The following SCD5 variants were observed in gnomAD, a reference collection of about 807,000 sequenced individuals.
The protein encoded by SCD5 is stearoyl-CoA desaturase 5, also known as acyl-CoA-desaturase 4.
A neutral mutation model predicts 30.4 loss-of-function variants in SCD5; 20 were observed. The ratio of observed to expected loss-of-function variants is 0.66; its 90% CI spans 0.46 to 0.96. The LOEUF is 0.96. SCD5 is among the 40% of genes least tolerant of loss of function. SCD5 has a pLI of 0.00. For missense variants in SCD5, 381 were observed against 443.3 expected, an observed-to-expected ratio of 0.86 and a Z score of 1.26; for synonymous variants, 173 against 176.4, an observed-to-expected ratio of 0.98 and a Z score of 0.16.
At chr4:82,726,981 G>C (rs1720513295) in intron 1 of SCD5, among the ~76,000 whole-genome samples, 2 of 152,194 alleles carry the variant, frequency 1.3e-5, no homozygotes, top group Admixed American at 6.5e-5. Context: ...CCTGCAGAGT[G>C]GGGGCTGTTC....
At chr4:82,657,732 C>CCCAT (rs1276708160) in intron 3 of SCD5, among the ~76,000 whole-genome samples, 2 of 152,166 alleles carry the variant, frequency 1.3e-5, no homozygotes, top group African/African-American at 4.8e-5. Context: ...TATCCATGAA[C>CCCAT]ATGGAATGTT....
intron 3 of SCD5, among the ~76,000 whole-genome samples, chr4:82,665,867 C>G (rs761004196): frequency 6.6e-6 from 1 of 152,024 alleles, no homozygotes; most frequent in Non-Finnish European, 1.5e-5. Flanking sequence ...TAGCTTGATA[C>G]ATAAAAAACT....
chr4:82,635,817 T>C (rs1159757953), intron 4 of SCD5, among the ~76,000 whole-genome samples: 1 of 152,110 alleles, frequency 6.6e-6, no homozygotes, highest in African/African-American at 2.4e-5. Context: ...GAACCAGGAC[T>C]CAACCAAAGT....
Position 82,636,748 on chromosome 4 carries a change from ACT to A in SCD5, c.643_644del (p.Leu216ValfsTer35). The A allele has an allele frequency of 2.5e-6, 4 of 1,613,998 alleles. No individual in the cohort carries two copies. Among genetic ancestry groups the A allele is most frequent in the Non-Finnish European group, 3.4e-6 (4 of 1,180,008 alleles). On this transcript the variant is annotated frameshift_variant, in exon 4 of 5. Transcript: ENST00000319540. LOFTEE classifies it high-confidence loss of function. ...TLVPWYIWGE[S>X]LWNSYFLASI... ...AGGCCAAGAAGTAGGAATTCCACAG[ACT>A]CTCTCCCCAGATGTACCAGGGCACC... is the stretch of plus-strand genomic sequence containing the variant.
intron 2 of SCD5, among the ~76,000 whole-genome samples, chr4:82,702,167 T>C (rs567240054): frequency 2.7e-4 from 31 of 113,750 alleles, no homozygotes; most frequent in Non-Finnish European, 3.4e-4. Flanking sequence ...TTTTGTGAGA[T>C]GGAGTCTCAC....
chr4:82,693,070 G>C (rs1719597549), intron 2 of SCD5, among the ~76,000 whole-genome samples: 1 of 152,178 alleles, frequency 6.6e-6, no homozygotes, highest in Admixed American at 6.5e-5. Flanking sequence ...TGGTTGGATG[G>C]GGGTGGCCTC....
At chr4:82,791,009 G>A (rs1291670310) in intron 1 of SCD5, among the ~76,000 whole-genome samples, 2 of 152,168 alleles carry the variant, frequency 1.3e-5, no homozygotes, top group African/African-American at 2.4e-5. Flanking sequence ...GGAGGCCAAG[G>A]TGGGTGGATC....
chr4:82,705,173 G>A (rs1719941793), intron 2 of SCD5, 110 bp downstream of exon 2: 25 of 1,379,116 alleles, frequency 1.8e-5, no homozygotes, highest in Non-Finnish European at 2.4e-5. Flanking sequence ...CTTGGGGCCT[G>A]AACACTGAGT....
At chr4:82,785,042 C>A (rs1300339588) in intron 1 of SCD5, among the ~76,000 whole-genome samples, 1 of 152,200 alleles carries the variant, frequency 6.6e-6, no homozygotes, top group South Asian at 2.1e-4. Flanking sequence ...GCTGTGACTT[C>A]TTCCAGTTCT....
At chr4:82,680,679 C>T (rs747812321) in intron 3 of SCD5, 28 bp downstream of exon 3, 3 of 1,609,528 alleles carry the variant, frequency 1.9e-6, no homozygotes, top group South Asian at 2.2e-5. Context: ...CCCTGAGGGA[C>T]AGCTCTCCGT....
chr4:82,773,723 A>G (rs1193602649), intron 1 of SCD5, among the ~76,000 whole-genome samples: 1 of 152,144 alleles, frequency 6.6e-6, no homozygotes, highest in Non-Finnish European at 1.5e-5. Flanking sequence ...TGTGACATTC[A>G]AACACATTTC....
In SCD5 at chr4:82,649,774, T is replaced by C. The variant is rs188026662; in HGVS notation, c.570-12951A>G. ...CTTACACTGGAGTTGGCCAAGGTTA[T>C]TGACAGCAGACATGGCCAAATGGGT... On this transcript the variant is annotated intron_variant, in intron 3 of 4. Transcript: ENST00000319540. Among the ~76,000 whole-genome samples, 28 of 152,294 alleles carry C rather than the reference T, an allele frequency of 1.8e-4. No individual in the cohort carries two copies. The Middle Eastern group carries it at 0.01, about 56-fold the overall frequency.
chr4:82,650,061 T>A (rs1578005097), intron 3 of SCD5, among the ~76,000 whole-genome samples: 1 of 152,150 alleles, frequency 6.6e-6, no homozygotes, highest in East Asian at 1.9e-4. Flanking sequence ...GCACACTTCA[T>A]CCCTGCTAAA....
intron 1 of SCD5, among the ~76,000 whole-genome samples, chr4:82,791,595 G>C (rs963901750): frequency 2.0e-5 from 3 of 152,140 alleles, no homozygotes; most frequent in Non-Finnish European, 4.4e-5. Flanking sequence ...CATTTACTCT[G>C]TGCTGGCTTC....
intron 3 of SCD5, among the ~76,000 whole-genome samples, chr4:82,677,647 G>A (rs1268069833): frequency 2.0e-5 from 3 of 152,252 alleles, no homozygotes; most frequent in South Asian, 2.1e-4. Flanking sequence ...TTTGGATTAC[G>A]GATCTCTATG....
intron 1 of SCD5, among the ~76,000 whole-genome samples, chr4:82,793,288 G>T (rs1348730197): frequency 6.6e-6 from 1 of 152,182 alleles, no homozygotes; most frequent in Non-Finnish European, 1.5e-5. Context: ...TGTAGCAATT[G>T]TAACTGGCTG....
intron 1 of SCD5, among the ~76,000 whole-genome samples, chr4:82,725,018 A>G (rs963517877): frequency 6.6e-6 from 1 of 152,242 alleles, no homozygotes; most frequent in Non-Finnish European, 1.5e-5. Flanking sequence ...TTGCACACTT[A>G]AAGACCAACA....
intron 3 of SCD5, among the ~76,000 whole-genome samples, chr4:82,662,243 G>T (rs55692203): frequency 0.035 from 5,366 of 152,048 alleles, 123 homozygotes; most frequent in South Asian, 0.09. Flanking sequence ...TTTTGGTAGA[G>T]ACAGGATCTA....
intron 1 of SCD5, among the ~76,000 whole-genome samples, chr4:82,740,632 C>T (rs1038014633): frequency 6.6e-6 from 1 of 152,202 alleles, no homozygotes; most frequent in Non-Finnish European, 1.5e-5. Flanking sequence ...CCAAGGACTC[C>T]CAGTTCCCAA....
Sources: gnomAD v4.1 joint callset for allele counts (sites outside exome capture counted in the v4.1 genomes callset) on GRCh38, gnomAD v4.1.1 for gene constraint, MANE v1.5 for transcripts, NCBI Gene and HGNC (gene_info 2026-07-23, HGNC 2026-07-21) for gene names.